PLCXD2: variants seen among roughly 807,000 people sequenced by gnomAD.
PLCXD2 encodes the protein PI-PLC X domain-containing protein 2.
PLCXD2 carries 21 observed loss-of-function variants against 28.6 expected under a neutral mutation model. The observed-to-expected ratio is 0.73, with a 90% confidence interval of 0.52 to 1.06. The LOEUF is 1.06. Ranked by LOEUF, PLCXD2 falls within the 50% of genes least tolerant of loss-of-function variation. The pLI is 0.00. For synonymous variants in PLCXD2, 140 were observed against 150.1 expected (o/e 0.93, Z 0.49); for missense variants, 369 against 376.7 (o/e 0.98, Z 0.17).
chr3:111,717,702 T>C (rs1405366738), intron 3 of PLCXD2, among the ~76,000 whole-genome samples: 1 of 152,176 alleles, frequency 6.6e-6, no homozygotes, highest in African/African-American at 2.4e-5. Context: ...TTAAGGCTCA[T>C]TTCCCTGTAA....
At chr3:111,701,067 C>G (rs1358149647) in intron 1 of PLCXD2, among the ~76,000 whole-genome samples, 2 of 152,106 alleles carry the variant, frequency 1.3e-5, no homozygotes, top group Non-Finnish European at 1.5e-5. Context: ...GAATCAGGTA[C>G]AGAAAATAAA....
intron 1 of PLCXD2, among the ~76,000 whole-genome samples, chr3:111,706,450 A>C (rs945840115): frequency 2.0e-5 from 3 of 152,216 alleles, no homozygotes; most frequent in Non-Finnish European, 4.4e-5. Context: ...TGCCTAGACC[A>C]ATGTCTTGAA....
At chr3:111,704,603 TAC>T (rs1941090504) in intron 1 of PLCXD2, among the ~76,000 whole-genome samples, 1 of 152,216 alleles carries the variant, frequency 6.6e-6, no homozygotes, top group Non-Finnish European at 1.5e-5. Context: ...ATTTATGGGA[TAC>T]AGAGTGATAT....
chr3:111,720,836 A>G (rs1052628657), intron 3 of PLCXD2: 1 of 416,842 alleles, frequency 2.4e-6, no homozygotes, highest in East Asian at 3.6e-5. Context: ...ACTGTCATCA[A>G]GTTGAATGAC....
At chr3:111,717,698 C>A (rs1368850355) in intron 3 of PLCXD2, among the ~76,000 whole-genome samples, 1 of 152,128 alleles carries the variant, frequency 6.6e-6, no homozygotes, top group Non-Finnish European at 1.5e-5. Flanking sequence ...GCCTTTAAGG[C>A]TCATTTCCCT....
intron 1 of PLCXD2, among the ~76,000 whole-genome samples, chr3:111,687,483 A>G (rs1940811432): frequency 6.6e-6 from 1 of 152,246 alleles, no homozygotes; most frequent in African/African-American, 2.4e-5. Context: ...GTAAATTAAT[A>G]TATTCTTAAC....
At chr3:111,706,364 G>T (rs927994877) in intron 1 of PLCXD2, among the ~76,000 whole-genome samples, 1 of 152,096 alleles carries the variant, frequency 6.6e-6, no homozygotes, top group Non-Finnish European at 1.5e-5. Context: ...GGGTGGAGAC[G>T]TCAGTTTAAT....
At chr3:111,723,417 C>T (rs1941372485) in intron 3 of PLCXD2, 1 of 152,130 alleles carries the variant, frequency 6.6e-6, no homozygotes, top group Non-Finnish European at 1.5e-5. Flanking sequence ...TTAAGTGCAC[C>T]TCAGTGTTTG....
At chr3:111,680,386 C>A (rs1197782251) in intron 1 of PLCXD2, among the ~76,000 whole-genome samples, 1 of 151,898 alleles carries the variant, frequency 6.6e-6, no homozygotes, top group African/African-American at 2.4e-5. Context: ...AAAACAAATC[C>A]ATTTTCCTAC....
intron 1 of PLCXD2, among the ~76,000 whole-genome samples, chr3:111,698,083 G>A (rs1175502174): frequency 3.3e-5 from 5 of 151,990 alleles, no homozygotes; most frequent in Admixed American, 6.6e-5. Flanking sequence ...GAGGTTTCAT[G>A]GCTTTATTTA....
chr3:111,712,596 C>G (rs1474113722), intron 2 of PLCXD2, among the ~76,000 whole-genome samples: 1 of 152,214 alleles, frequency 6.6e-6, no homozygotes, highest in Non-Finnish European at 1.5e-5. Context: ...TTCAGTGCAA[C>G]CAGCCTGGTG....
intron 1 of PLCXD2, among the ~76,000 whole-genome samples, chr3:111,699,216 C>G (rs1213159923): frequency 2.0e-5 from 3 of 152,208 alleles, no homozygotes; most frequent in Non-Finnish European, 4.4e-5. Flanking sequence ...TCACTTAACT[C>G]TTGTCTCAAT....
chr3:111,700,461 A>C (rs936351508), intron 1 of PLCXD2, among the ~76,000 whole-genome samples: 3 of 152,226 alleles, frequency 2.0e-5, no homozygotes, highest in Non-Finnish European at 4.4e-5. Context: ...TTGTATGTCC[A>C]TATTTACTGC....
intron 2 of PLCXD2, among the ~76,000 whole-genome samples, chr3:111,710,793 A>G (rs539670408): frequency 6.6e-6 from 1 of 152,340 alleles, no homozygotes; most frequent in African/African-American, 2.4e-5. Flanking sequence ...TTGAGTACAG[A>G]TATAATTTTA....
In PLCXD2 at chr3:111,714,134, A is replaced by G. The variant is rs1559798097; in HGVS notation, c.866+6A>G. On this transcript the variant is annotated splice_donor_region_variant and intron_variant, in intron 3 of 4. Transcript: ENST00000477665. ...AAGAACACGCTGGTTCATAGGTAAG[A>G]ATTTGCTTCCACCCCACAAGGAAAG... is the stretch of plus-strand genomic sequence containing the variant. The G allele has an allele frequency of 6.2e-7, 1 of 1,611,560 alleles. No individual in the cohort carries two copies. The highest frequency in any genetic ancestry group is 1.1e-5 in the South Asian group (1 of 90,770).
At chr3:111,676,163 T>C (rs141641022) in intron 1 of PLCXD2, among the ~76,000 whole-genome samples, 8 of 152,308 alleles carry the variant, frequency 5.3e-5, no homozygotes, top group Non-Finnish European at 8.8e-5. Flanking sequence ...AGGTGGTTAT[T>C]GTATGTTTTC....
At chr3:111,695,439 C>T (rs1214231806) in intron 1 of PLCXD2, among the ~76,000 whole-genome samples, 1 of 152,174 alleles carries the variant, frequency 6.6e-6, no homozygotes, top group Non-Finnish European at 1.5e-5. Flanking sequence ...ACTAGTAATA[C>T]AATAGAACAA....
intron 3 of PLCXD2, chr3:111,722,715 T>C (rs1297674449): frequency 6.6e-6 from 1 of 152,204 alleles, no homozygotes; most frequent in Non-Finnish European, 1.5e-5. Context: ...CCTGTTTCTG[T>C]CTTTTGATGC....
intron 1 of PLCXD2, among the ~76,000 whole-genome samples, chr3:111,677,625 T>C (rs1051286502): frequency 1.3e-5 from 2 of 152,214 alleles, no homozygotes; most frequent in African/African-American, 2.4e-5. Flanking sequence ...TAAGTAATTT[T>C]CTCAAGATCA....
Sources: allele counts gnomAD v4.1 joint callset (sites outside exome capture counted in the v4.1 genomes callset), GRCh38; gene constraint gnomAD v4.1.1; transcripts MANE v1.5; gene names NCBI Gene and HGNC (gene_info 2026-07-23, HGNC 2026-07-21).